Variants in FER observed in about 807,000 individuals in gnomAD.
FER encodes the protein FER tyrosine kinase.
In FER, 63 loss-of-function variants were observed where a neutral mutation model predicts 111.0. That is an observed-to-expected ratio of 0.57 (90% confidence interval 0.46 to 0.70). FER has a LOEUF of 0.70. FER is among the 30% of genes least tolerant of loss of function. FER has a pLI of 0.00. For missense variants in FER, 914 were observed against 954.0 expected (o/e 0.96, Z 0.55); for synonymous variants, 327 against 313.9 (o/e 1.04, Z -0.44).
intron 5 of FER, among the ~76,000 whole-genome samples, chr5:108,843,968 AG>A (rs1761543449): frequency 6.6e-6 from 1 of 150,574 alleles, no homozygotes; most frequent in Admixed American, 6.6e-5. Flanking sequence ...TGTCACGGCT[AG>A]GCTTCTGCTG....
chr5:108,839,922 G>T (rs1761091683), intron 5 of FER, among the ~76,000 whole-genome samples: 1 of 151,990 alleles, frequency 6.6e-6, no homozygotes, highest in Non-Finnish European at 1.5e-5. Context: ...TCTTTATCGG[G>T]ACTGACTTTA....
Position 109,019,811 on chromosome 5 carries a change from A to G in FER, c.1657-17611A>G, listed in dbSNP as rs576144720. ...ACCTTTTACTTTCCAAACTTAACCT[A>G]TTTCTTTATATGTCTGTAGATATAT... On this transcript the variant is annotated intron_variant, in intron 13 of 19. Transcript: ENST00000281092. Among the ~76,000 whole-genome samples the G allele has an allele frequency of 5.3e-5, 8 of 151,812 alleles. 1 individual carries two copies. Among genetic ancestry groups the G allele is most frequent in the African/African-American group, 1.7e-4 (7 of 41,482 alleles).
Position 109,192,217 on chromosome 5 carries a change from A to T in FER, c.*4642A>T, listed in dbSNP as rs1178344965. 2.0e-5 allele frequency: 3 copies of T among 152,216 alleles called. No individual in the cohort carries two copies. The highest frequency in any genetic ancestry group is 4.4e-5 in the Non-Finnish European group (3 of 68,050). 9.4% of individuals were successfully genotyped at this position (152,216 alleles called of 1,614,324 possible). On this transcript the variant is annotated 3_prime_UTR_variant, in exon 20 of 20. Coordinates refer to ENST00000281092, the MANE Select transcript of FER (RefSeq NM_005246.4). ...TAAGGTGCTGAGGCAGCAGATTCAA[A>T]TGCAAAAGAGGGAGGAACCAGTTAT...
intron 14 of FER, among the ~76,000 whole-genome samples, chr5:109,038,955 G>A (rs1156655708): frequency 2.0e-5 from 3 of 151,952 alleles, no homozygotes; most frequent in Middle Eastern, 3.4e-3. Context: ...TTTTCTCAAC[G>A]ACAAGTAATA....
At chr5:109,182,756 T>C (rs1758412808) in intron 18 of FER, among the ~76,000 whole-genome samples, 1 of 152,258 alleles carries the variant, frequency 6.6e-6, no homozygotes, top group South Asian at 2.1e-4. Context: ...TAAAGTGTTG[T>C]ATTTACAAAT....
intron 8 of FER, among the ~76,000 whole-genome samples, chr5:108,883,184 C>T (rs1013571393): frequency 6.6e-6 from 1 of 151,912 alleles, no homozygotes; most frequent in Non-Finnish European, 1.5e-5. Flanking sequence ...CTTTTTTCCA[C>T]CATCCAGTAA....
chr5:109,181,979 T>G (rs1758339389), intron 18 of FER, among the ~76,000 whole-genome samples: 2 of 152,220 alleles, frequency 1.3e-5, no homozygotes, highest in Non-Finnish European at 2.9e-5. Context: ...TTCTGGGAAT[T>G]TCATACAAAT....
At chr5:108,749,255 T>C (rs866102480) in intron 1 of FER, among the ~76,000 whole-genome samples, 11 of 151,794 alleles carry the variant, frequency 7.2e-5, no homozygotes, top group South Asian at 6.2e-4. Flanking sequence ...TGGTTGGGGC[T>C]TGGGCCGGGC....
intron 8 of FER, among the ~76,000 whole-genome samples, chr5:108,873,491 A>C (rs555522431): frequency 1.7e-4 from 26 of 152,306 alleles, no homozygotes; most frequent in African/African-American, 5.8e-4. Flanking sequence ...GAAGAAACTA[A>C]CAAATATTTG....
intron 13 of FER, among the ~76,000 whole-genome samples, chr5:108,991,666 CATTT>C (rs1157132933): frequency 1.3e-5 from 2 of 151,586 alleles, no homozygotes; most frequent in Non-Finnish European, 2.9e-5. Context: ...GTTATTCATT[CATTT>C]GTTTATTCAG....
At chr5:109,120,633 T>G (rs922949793) in intron 17 of FER, among the ~76,000 whole-genome samples, 4 of 152,138 alleles carry the variant, frequency 2.6e-5, no homozygotes, top group African/African-American at 9.6e-5. Context: ...TCTGTTTCTG[T>G]GAAGAATGCC....
chr5:109,161,606 G>A (rs1380443144), intron 17 of FER, among the ~76,000 whole-genome samples: 1 of 152,084 alleles, frequency 6.6e-6, no homozygotes, highest in Non-Finnish European at 1.5e-5. Flanking sequence ...ATTCCATGAT[G>A]TATATGTACC....
intron 13 of FER, among the ~76,000 whole-genome samples, chr5:109,013,178 A>G (rs935586904): frequency 2.0e-5 from 3 of 150,970 alleles, no homozygotes; most frequent in African/African-American, 7.3e-5. Context: ...TGCTGAACCC[A>G]GTAACTCATC....
At chr5:108,845,736 C>A (rs1278735371) in intron 5 of FER, among the ~76,000 whole-genome samples, 1 of 152,148 alleles carries the variant, frequency 6.6e-6, no homozygotes, top group Non-Finnish European at 1.5e-5. Flanking sequence ...TTTAGTCTCT[C>A]ACCTTCAAGT....
chr5:108,894,394 G>A (rs1488941176), intron 9 of FER: 1 of 920,670 alleles, frequency 1.1e-6, no homozygotes, highest in Non-Finnish European at 1.5e-6. Flanking sequence ...TGTAGCAACT[G>A]TTTGTGGACC....
chr5:109,100,599 T>A, intron 17 of FER, 80 bp downstream of exon 17: 1 of 1,327,976 alleles, frequency 7.5e-7, no homozygotes, highest in Non-Finnish European at 1.0e-6. Context: ...ACAATAGAAG[T>A]CATTTTCTTT....
chr5:108,969,078 TA>T (rs1760283284), intron 13 of FER, among the ~76,000 whole-genome samples: 1 of 152,152 alleles, frequency 6.6e-6, no homozygotes, highest in South Asian at 2.1e-4. Flanking sequence ...GTTGAAAGTA[TA>T]AATTCTCAAC....
intron 2 of FER, among the ~76,000 whole-genome samples, chr5:108,771,686 GACTC>G (rs2149967459): frequency 6.6e-6 from 1 of 152,166 alleles, no homozygotes; most frequent in Non-Finnish European, 1.5e-5. Context: ...CTTTTACCTG[GACTC>G]ACTGTTAACA....
intron 6 of FER, among the ~76,000 whole-genome samples, chr5:108,870,540 GT>G (rs923263940): frequency 4.6e-5 from 7 of 151,976 alleles, no homozygotes; most frequent in African/African-American, 1.4e-4. Flanking sequence ...TTAAATCTCA[GT>G]TTTTTTACCC....
Sources: allele counts gnomAD v4.1 joint callset (sites outside exome capture counted in the v4.1 genomes callset), GRCh38; gene constraint gnomAD v4.1.1; transcripts MANE v1.5; gene names NCBI Gene and HGNC (gene_info 2026-07-23, HGNC 2026-07-21).